The following MAP2K3 variants were observed in gnomAD, a reference collection of about 807,000 sequenced individuals.
MAP2K3 encodes the protein mitogen-activated protein kinase kinase 3.
Under a neutral mutation model 46.4 loss-of-function variants are expected in MAP2K3, and 30 were observed. The ratio of observed to expected loss-of-function variants is 0.65; its 90% CI spans 0.48 to 0.88. The LOEUF (loss-of-function observed/expected upper bound fraction) is 0.88, where lower values mean the gene tolerates loss of function less well. Ranked by LOEUF, MAP2K3 falls within the 40% of genes least tolerant of loss-of-function variation. MAP2K3 has a pLI of 0.00. For synonymous variants in MAP2K3, 189 were observed against 176.3 expected (o/e 1.07, Z -0.57); for missense variants, 380 against 464.5 (o/e 0.82, Z 1.67).
intron 1 of MAP2K3, among the ~76,000 whole-genome samples, chr17:21,296,975 C>T (rs935761675): frequency 7.9e-5 from 12 of 152,426 alleles, no homozygotes; most frequent in South Asian, 4.1e-4. Flanking sequence ...GGCCTGGCAG[C>T]GGGGTCCCCG....
chr17:21,306,415 C>T (rs1440554147), intron 9 of MAP2K3, among the ~76,000 whole-genome samples: 3 of 152,246 alleles, frequency 2.0e-5, no homozygotes, highest in African/African-American at 7.2e-5. Context: ...GCAGAGCTGC[C>T]GTGCCCTCTC....
intron 9 of MAP2K3, chr17:21,311,901 C>A: frequency 2.2e-6 from 1 of 446,282 alleles, no homozygotes; most frequent in Non-Finnish European, 3.9e-6. Context: ...TCCCACCAGT[C>A]CCGGTGTGGG....
At chr17:21,291,701 G>T in intron 1 of MAP2K3, 1 of 405,164 alleles carries the variant, frequency 2.5e-6, no homozygotes, top group Non-Finnish European at 4.9e-6. Context: ...TTTTGTGCTG[G>T]GGATTTTGTG....
chr17:21,296,061 G>A (rs1976226980), intron 1 of MAP2K3: 1 of 1,288,722 alleles, frequency 7.8e-7, no homozygotes, highest in South Asian at 1.2e-5. Context: ...ATTACTTAGG[G>A]CAGTTTTTTT....
intron 1 of MAP2K3, among the ~76,000 whole-genome samples, chr17:21,290,514 C>G (rs1218788301): frequency 6.6e-6 from 1 of 152,308 alleles, no homozygotes; most frequent in Admixed American, 6.5e-5. Context: ...AGCTCCCTAC[C>G]TACCTCTCAG....
intron 9 of MAP2K3, among the ~76,000 whole-genome samples, chr17:21,309,954 C>T (rs1977085002): frequency 6.6e-6 from 1 of 151,602 alleles, no homozygotes; most frequent in South Asian, 2.1e-4. Flanking sequence ...TGTAGCATTA[C>T]ATGTTGTTCA....
intron 7 of MAP2K3, among the ~76,000 whole-genome samples, chr17:21,303,533 C>T (rs943046711): frequency 6.6e-6 from 1 of 152,310 alleles, no homozygotes; most frequent in Non-Finnish European, 1.5e-5. Context: ...ATCATGTTCA[C>T]ACCCATGCAA....
intron 2 of MAP2K3, 39 bp downstream of exon 2, chr17:21,298,518 A>G (rs764617593): frequency 3.0e-5 from 48 of 1,614,252 alleles, no homozygotes; most frequent in Non-Finnish European, 4.1e-5. Context: ...CACCCTGGAG[A>G]GGCTTCCCGA....
chr17:21,308,428 G>C (rs1217649799), intron 9 of MAP2K3, among the ~76,000 whole-genome samples: 1 of 152,302 alleles, frequency 6.6e-6, no homozygotes, highest in Non-Finnish European at 1.5e-5. Flanking sequence ...GATTACAGGC[G>C]TGAACCACCA....
At chr17:21,304,309 T>C (rs1272406564) in intron 7 of MAP2K3, 117 bp from the exon 8 acceptor site, 9 of 1,564,152 alleles carry the variant, frequency 5.8e-6, no homozygotes, top group Admixed American at 3.4e-5. Flanking sequence ...CACTGGGGCA[T>C]GGGAGGGGGC....
intron 6 of MAP2K3, among the ~76,000 whole-genome samples, chr17:21,302,617 C>G (rs1976670407): frequency 6.6e-6 from 1 of 152,310 alleles, no homozygotes; most frequent in African/African-American, 2.4e-5. Flanking sequence ...GAGGTACAAG[C>G]TAAGTTGGGG....
chr17:21,298,438 A>G lies in MAP2K3; in HGVS notation c.75A>G (p.Leu25=). 6.2e-7 allele frequency: 1 copy of G among 1,613,776 alleles called. No individual in the cohort carries two copies. The highest frequency in any genetic ancestry group is 8.5e-7 in the Non-Finnish European group (1 of 1,180,056). Reference sequence around the variant, plus strand: ...GAAAATCCAAGAGGAAGAAGGATCTACGGATATCCTGCATGTCCAAGCCAC... The same window carrying G: ...GAAAATCCAAGAGGAAGAAGGATCTGCGGATATCCTGCATGTCCAAGCCAC... ...SKGKSKRKKD[L]RISCMSKPPA... Residue 25 remains leucine (L), a synonymous_variant, in exon 2 of 12, where the codon CTA becomes CTG. Coordinates refer to ENST00000342679, the MANE Select transcript of MAP2K3 (RefSeq NM_145109.3).
chr17:21,301,783 T>G (rs35122311), intron 5 of MAP2K3, among the ~76,000 whole-genome samples: 2 of 152,002 alleles, frequency 1.3e-5, no homozygotes, highest in African/African-American at 2.4e-5. Context: ...TCAGCTGGCA[T>G]GAGGGTGTCT....
chr17:21,313,357 G>A, intron 10 of MAP2K3, 135 bp from the exon 11 acceptor site: 1 of 691,140 alleles, frequency 1.4e-6, no homozygotes, highest in East Asian at 2.7e-5. Context: ...GCCCTAGACA[G>A]TCCTGTCCCT....
intron 5 of MAP2K3, 138 bp from the exon 6 acceptor site, chr17:21,302,005 C>T (rs1976628765): frequency 2.4e-6 from 2 of 829,714 alleles, no homozygotes; most frequent in Non-Finnish European, 4.0e-6. Flanking sequence ...TGGGTGGGAG[C>T]CCGGTGAACT....
At chr17:21,310,011 TG>T (rs1269850101) in intron 9 of MAP2K3, among the ~76,000 whole-genome samples, 4 of 151,858 alleles carry the variant, frequency 2.6e-5, no homozygotes, top group African/African-American at 4.8e-5. Context: ...TTTTTTTTGT[TG>T]TTTTTTTTTT....
chr17:21,302,907 C>T (rs1976685964), intron 6 of MAP2K3, among the ~76,000 whole-genome samples: 1 of 152,304 alleles, frequency 6.6e-6, no homozygotes, highest in African/African-American at 2.4e-5. Context: ...TGGGTTTTAC[C>T]CAAGAAGAGT....
chr17:21,304,359 G>A, intron 7 of MAP2K3, 67 bp from the exon 8 acceptor site: 1 of 1,613,146 alleles, frequency 6.2e-7, no homozygotes, highest in Non-Finnish European at 8.5e-7. Context: ...GCACAGCTAT[G>A]CAGAGCATGG....
In MAP2K3 at chr17:21,314,410, AC is replaced by A; in HGVS notation, c.*182del. 1 of 615,004 alleles carries A rather than the reference AC, an allele frequency of 1.6e-6. No individual in the cohort carries two copies. Among genetic ancestry groups the A allele is most frequent in the Non-Finnish European group, 2.9e-6 (1 of 346,390 alleles). The allele number at this position is 615,004 out of a possible 1,614,324, so 38.1% of individuals were successfully genotyped here. On this transcript the variant is annotated 3_prime_UTR_variant, in exon 12 of 12. Transcript: ENST00000342679. ...TTTGTCCCAAGTGCCAAAGAAGCAG[AC>A]CATTGGGGCTCCCAGCCAGGCCCTT...
Sources: gnomAD v4.1 joint callset for allele counts (sites outside exome capture counted in the v4.1 genomes callset) on GRCh38, gnomAD v4.1.1 for gene constraint, MANE v1.5 for transcripts, NCBI Gene and HGNC (gene_info 2026-07-23, HGNC 2026-07-21) for gene names.